Variants in EPS15 observed in about 807,000 individuals in gnomAD.
EPS15 encodes the protein epidermal growth factor receptor substrate 15.
Under a neutral mutation model 113.8 loss-of-function variants are expected in EPS15, and 72 were observed. The ratio of observed to expected loss-of-function variants is 0.63; its 90% CI spans 0.52 to 0.77. EPS15 has a LOEUF of 0.77. Ranked by LOEUF, EPS15 falls within the 30% of genes least tolerant of loss-of-function variation. The probability of loss-of-function intolerance (pLI) is 0.00; values close to 1 mark genes in which losing one functional copy is unlikely to be tolerated. For missense variants in EPS15, 1,048 were observed against 1,045.8 expected (o/e 1.00, Z -0.03); for synonymous variants, 344 against 363.4 (o/e 0.95, Z 0.61).
intron 7 of EPS15, among the ~76,000 whole-genome samples, chr1:51,462,617 T>C (rs575668359): frequency 1.3e-5 from 2 of 151,528 alleles, no homozygotes; most frequent in Admixed American, 6.6e-5. Flanking sequence ...GCAGGAGAGA[T>C]AGAAAAATAA....
intron 18 of EPS15, 87 bp downstream of exon 18, chr1:51,402,348 T>C (rs773413597): frequency 7.4e-5 from 49 of 660,260 alleles, no homozygotes; most frequent in East Asian, 9.8e-5. Context: ...TGGTAGGCTA[T>C]TGAAACTGAA....
intron 4 of EPS15, among the ~76,000 whole-genome samples, chr1:51,469,164 T>G (rs928988737): frequency 6.6e-6 from 1 of 151,716 alleles, no homozygotes; most frequent in Non-Finnish European, 1.5e-5. Flanking sequence ...CAAATAATAT[T>G]TAATGATATT....
chr1:51,488,508 T>C (rs1453033150), intron 1 of EPS15, among the ~76,000 whole-genome samples: 7 of 147,100 alleles, frequency 4.8e-5, no homozygotes, highest in Non-Finnish European at 9.1e-5. Context: ...TCAGACTTTG[T>C]ATCAGAAAGG....
At chr1:51,382,958 A>G (rs1360196940) in intron 21 of EPS15, among the ~76,000 whole-genome samples, 1 of 152,218 alleles carries the variant, frequency 6.6e-6, no homozygotes. Flanking sequence ...ACTATAGATC[A>G]ATATCCTTTA....
intron 24 of EPS15, among the ~76,000 whole-genome samples, chr1:51,358,086 T>C (rs1263055317): frequency 6.6e-6 from 1 of 152,106 alleles, no homozygotes; most frequent in African/African-American, 2.4e-5. Flanking sequence ...TGTGGGCCAA[T>C]TGCTTGAGCT....
intron 12 of EPS15, among the ~76,000 whole-genome samples, chr1:51,435,539 G>T (rs1432834212): frequency 6.6e-6 from 1 of 152,138 alleles, no homozygotes; most frequent in Admixed American, 6.5e-5. Flanking sequence ...TATTCAGAAG[G>T]TCTTTGCCTT....
At chr1:51,376,098 C>T (rs939088253) in intron 21 of EPS15, among the ~76,000 whole-genome samples, 5 of 152,214 alleles carry the variant, frequency 3.3e-5, no homozygotes, top group African/African-American at 1.2e-4. Context: ...CTACAACTGT[C>T]ATAGCTAAAG....
At chr1:51,476,567 G>A (rs536182483) in intron 2 of EPS15, among the ~76,000 whole-genome samples, 34 of 152,042 alleles carry the variant, frequency 2.2e-4, no homozygotes, top group Admixed American at 1.4e-3. Flanking sequence ...TTTTTATTGC[G>A]TCTATTTGAT....
chr1:51,392,605 T>G (rs1647494693), intron 21 of EPS15, among the ~76,000 whole-genome samples: 1 of 152,244 alleles, frequency 6.6e-6, no homozygotes, highest in Non-Finnish European at 1.5e-5. Flanking sequence ...AAAAATGTGT[T>G]AGTTTTTCCT....
rs55806131 is a variant in EPS15 at position 51,415,796 on chromosome 1, C to CAA, written c.1113+5988_1113+5989dup. ...GGGCAACAAGAGCAAAACTCCGTCTCAAAAAAAAAAAAAAAAAAAAAAAAA... is the reference window on the plus strand; with the variant it reads ...GGGCAACAAGAGCAAAACTCCGTCTCAAAAAAAAAAAAAAAAAAAAAAAAAAA... On this transcript the variant is annotated intron_variant, in intron 13 of 24. Transcript: ENST00000371733. Among the ~76,000 whole-genome samples, 218 of 21,982 alleles carry CAA rather than the reference C, an allele frequency of 9.9e-3. 15 individuals are homozygous for CAA. Among genetic ancestry groups the CAA allele is most frequent in the Non-Finnish European group, 0.013 (160 of 12,596 alleles). The allele number at this position is 21,982 out of a possible 152,430, so 14.4% of individuals were successfully genotyped here.
At chr1:51,448,239 C>A (rs1018802943) in intron 8 of EPS15, 104 bp from the exon 9 acceptor site, 14 of 603,622 alleles carry the variant, frequency 2.3e-5, no homozygotes, top group African/African-American at 2.1e-4. Context: ...CTCTCAAATC[C>A]TTTTTTAAGA....
intron 12 of EPS15, among the ~76,000 whole-genome samples, chr1:51,430,946 CT>C (rs1557462314): frequency 6.8e-6 from 1 of 148,040 alleles, no homozygotes; most frequent in East Asian, 2.1e-4. Context: ...GCAGCAGAGC[CT>C]GACCCTATCT....
chr1:51,451,211 G>A (rs1297910543), intron 8 of EPS15, among the ~76,000 whole-genome samples: 4 of 151,862 alleles, frequency 2.6e-5, no homozygotes, highest in Non-Finnish European at 4.4e-5. Context: ...AAGATAGGCT[G>A]GGCGTGGTGG....
intron 1 of EPS15, among the ~76,000 whole-genome samples, chr1:51,492,382 T>C (rs1286895289): frequency 6.6e-6 from 1 of 152,210 alleles, no homozygotes; most frequent in African/African-American, 2.4e-5. Context: ...AAATACAGTA[T>C]TCTAAAGAAA....
chr1:51,482,348 G>A (rs1644035286), intron 1 of EPS15, among the ~76,000 whole-genome samples: 1 of 152,056 alleles, frequency 6.6e-6, no homozygotes, highest in Admixed American at 6.6e-5. Context: ...ATGCACAAAG[G>A]CATGCGATCA....
At chr1:51,417,995 C>T (rs146794522) in intron 13 of EPS15, among the ~76,000 whole-genome samples, 29 of 152,098 alleles carry the variant, frequency 1.9e-4, no homozygotes, top group African/African-American at 6.5e-4. Flanking sequence ...AAGGCAAGAG[C>T]GAATGGAGTG....
chr1:51,497,378 A>T (rs1644341959), intron 1 of EPS15, among the ~76,000 whole-genome samples: 1 of 152,230 alleles, frequency 6.6e-6, no homozygotes, highest in Non-Finnish European at 1.5e-5. Flanking sequence ...ATAAACTTAC[A>T]AGGAAAAAGA....
intron 12 of EPS15, chr1:51,423,388 GA>G: frequency 9.2e-7 from 1 of 1,084,496 alleles, no homozygotes; most frequent in Non-Finnish European, 1.1e-6. Context: ...AAAACACGGG[GA>G]AAAATTTCTG....
intron 2 of EPS15, among the ~76,000 whole-genome samples, chr1:51,475,310 T>C (rs1337383765): frequency 6.6e-6 from 1 of 152,142 alleles, no homozygotes; most frequent in African/African-American, 2.4e-5. Context: ...AGTGTAAAAG[T>C]GTTCCTATTT....
Sources: allele counts gnomAD v4.1 joint callset (sites outside exome capture counted in the v4.1 genomes callset), GRCh38; gene constraint gnomAD v4.1.1; transcripts MANE v1.5; gene names NCBI Gene and HGNC (gene_info 2026-07-23, HGNC 2026-07-21).